Variants in DNAH3 observed in about 807,000 individuals in gnomAD.
DNAH3 encodes axonemal beta dynein heavy chain 3.
DNAH3 carries 332 observed loss-of-function variants against 432.5 expected under a neutral mutation model. The ratio of observed to expected loss-of-function variants is 0.77; its 90% confidence interval spans 0.70 to 0.84. The LOEUF (loss-of-function observed/expected upper bound fraction) is 0.84, where lower values mean the gene tolerates loss of function less well. DNAH3 is among the 40% of genes least tolerant of loss of function. The probability of loss-of-function intolerance (pLI) is 0.00; values close to 1 mark genes in which losing one functional copy is unlikely to be tolerated. For missense variants in DNAH3, 4,861 were observed against 5,114.0 expected (o/e 0.95, Z 1.51); for synonymous variants, 1,956 against 1,900.2 (o/e 1.03, Z -0.76).
chr16:20,963,765 GAA>G lies in DNAH3; in HGVS notation c.10117_10118del (p.Phe3373LeufsTer32). 1 of 1,614,070 alleles carries G rather than the reference GAA, an allele frequency of 6.2e-7. No individual in the cohort carries two copies. Among genetic ancestry groups the G allele is most frequent in the Non-Finnish European group, 8.5e-7 (1 of 1,180,044 alleles). On this transcript the variant is annotated frameshift_variant, in exon 53 of 62. Coordinates refer to ENST00000261383, the Ensembl canonical transcript of DNAH3. LOFTEE classifies it high-confidence loss of function. ...TGATGCCGATGGTCAGGAGGAGAGA[GAA>G]GAGTAGCTTGTCCTTCTCAAACAGA...
chr16:20,969,660 C>A, intron 52 of DNAH3, 132 bp downstream of exon 52: 1 of 1,016,212 alleles, frequency 9.8e-7, no homozygotes, highest in Non-Finnish European at 1.5e-6. Flanking sequence ...CAGCCTGGTT[C>A]CTTTCTTAAT....
At chr16:20,943,338 A>G (rs1475711674) in intron 58 of DNAH3, among the ~76,000 whole-genome samples, 2 of 151,320 alleles carry the variant, frequency 1.3e-5, no homozygotes, top group African/African-American at 2.4e-5. Flanking sequence ...TTGGCCTCCC[A>G]AAGTGCTAGG....
intron 60 of DNAH3, among the ~76,000 whole-genome samples, 197 bp downstream of exon 60, chr16:20,936,452 G>A (rs28650087): frequency 0.28 from 42,301 of 151,948 alleles, 5,993 homozygotes; most frequent in Middle Eastern, 0.32. Flanking sequence ...CACTGCGCCC[G>A]GCCGGCTATA....
intron 37 of DNAH3, among the ~76,000 whole-genome samples, chr16:21,029,931 C>T (rs2088787206): frequency 6.6e-6 from 1 of 152,098 alleles, no homozygotes; most frequent in Non-Finnish European, 1.5e-5. Flanking sequence ...TCAAGGGATC[C>T]TCACACCTCA....
intron 46 of DNAH3, 39 bp from the exon 47 acceptor site, chr16:20,987,487 T>C (rs191095636): frequency 6.2e-7 from 1 of 1,612,322 alleles, no homozygotes; most frequent in African/African-American, 1.3e-5. Context: ...GAGTGGAAGA[T>C]GGTCCCTGAG....
exon 62 of DNAH3, chr16:20,933,176 G>A (rs1381021356): frequency 6.2e-7 from 1 of 1,613,500 alleles, no homozygotes; most frequent in Admixed American, 1.7e-5. Flanking sequence ...CTGGCACAGT[G>A]AGGCCACCCC....
intron 23 of DNAH3, among the ~76,000 whole-genome samples, chr16:21,068,376 G>A (rs558830314): frequency 1.8e-4 from 27 of 151,982 alleles, no homozygotes; most frequent in African/African-American, 4.8e-4. Context: ...GTGCAGTGGC[G>A]CAATCTGGGC....
intron 43 of DNAH3, among the ~76,000 whole-genome samples, chr16:20,998,258 GTTTT>G (rs2086851420): frequency 6.6e-6 from 1 of 151,988 alleles, no homozygotes; most frequent in South Asian, 2.1e-4. Flanking sequence ...TTGTTTGTTT[GTTTT>G]GTTTTTGTTT....
exon 55 of DNAH3, chr16:20,954,976 G>A (rs2084495747): frequency 6.8e-6 from 11 of 1,613,982 alleles, no homozygotes; most frequent in African/African-American, 1.3e-5. Flanking sequence ...GGAGCCCTTT[G>A]GGGGGCTCAT....
chr16:20,963,210 T>C lies in DNAH3; in HGVS notation c.10600+74A>G. On this transcript the variant is annotated intron_variant, in intron 53 of 61. Coordinates refer to ENST00000261383, the Ensembl canonical transcript of DNAH3. ...CCATCTGAACTTGAGATCCCTGCTG[T>C]AAGGGACGGGCTACTGATATCCACC... 1.3e-5 allele frequency: 18 copies of C among 1,417,844 alleles called. 1 individual carries two copies. The South Asian group carries it at 2.3e-4, about 18-fold the overall frequency. 87.8% of individuals were successfully genotyped at this position (1,417,844 alleles called of 1,614,324 possible). A position where few individuals can be genotyped will look rare whatever the true frequency, so the allele number is the denominator to read the frequency against.
At chr16:21,044,273 A>G (rs1009529505) in intron 31 of DNAH3, among the ~76,000 whole-genome samples, 7 of 145,524 alleles carry the variant, frequency 4.8e-5, no homozygotes, top group Non-Finnish European at 7.6e-5. Context: ...CAGTATGGCC[A>G]TTTTCATGAT....
chr16:21,064,327 A>T (rs1366183572), intron 24 of DNAH3, among the ~76,000 whole-genome samples: 1 of 152,216 alleles, frequency 6.6e-6, no homozygotes, highest in African/African-American at 2.4e-5. Context: ...GCAATTAAGG[A>T]TGCTGACTGA....
At chr16:21,073,450 T>C (rs1017303309) in intron 21 of DNAH3, among the ~76,000 whole-genome samples, 2 of 152,184 alleles carry the variant, frequency 1.3e-5, no homozygotes, top group Admixed American at 6.5e-5. Context: ...GGGTCACCCT[T>C]GCTGGGAGAG....
At chr16:21,008,944 A>C (rs2087451633) in intron 41 of DNAH3, among the ~76,000 whole-genome samples, 2 of 152,204 alleles carry the variant, frequency 1.3e-5, no homozygotes, top group African/African-American at 4.8e-5. Flanking sequence ...GGTATTTTAA[A>C]AGTGAGCTTC....
chr16:20,970,136 G>A (rs1263274611), intron 51 of DNAH3, 146 bp from the exon 52 acceptor site: 2 of 760,630 alleles, frequency 2.6e-6, no homozygotes, highest in Non-Finnish European at 4.4e-6. Context: ...CGCTGGAGCT[G>A]GACAATGGCT....
chr16:21,138,811 T>A (rs376493238), intron 5 of DNAH3, among the ~76,000 whole-genome samples: 16 of 146,424 alleles, frequency 1.1e-4, no homozygotes, highest in South Asian at 2.2e-4. Flanking sequence ...CTCCCTCTAA[T>A]AAAAAAAAAA....
intron 26 of DNAH3, among the ~76,000 whole-genome samples, chr16:21,058,671 G>A (rs937156472): frequency 6.6e-6 from 1 of 152,148 alleles, no homozygotes; most frequent in Admixed American, 6.6e-5. Context: ...AAAAGAATGA[G>A]TTCATGTCCT....
chr16:21,024,702 C>T lies in DNAH3; in HGVS notation c.5541-1G>A, dbSNP rs142394832. The T allele has an allele frequency of 1.9e-6, 3 of 1,612,780 alleles. No individual in the cohort carries two copies. Among genetic ancestry groups the T allele is most frequent in the Non-Finnish European group, 2.5e-6 (3 of 1,178,960 alleles). Reference sequence around the variant, plus strand: ...GGGCTCCATGTAGATCATCCCACACCTGGGAAGCACAGAGGACCAGTTTAG... The same window carrying T: ...GGGCTCCATGTAGATCATCCCACACTTGGGAAGCACAGAGGACCAGTTTAG... On this transcript the variant is annotated splice_acceptor_variant, in intron 38 of 61. Coordinates refer to ENST00000261383, the Ensembl canonical transcript of DNAH3. LOFTEE classifies it high-confidence loss of function.
intron 20 of DNAH3, among the ~76,000 whole-genome samples, chr16:21,080,683 G>C (rs778663663): frequency 5.3e-5 from 8 of 152,176 alleles, no homozygotes; most frequent in Admixed American, 6.5e-5. Flanking sequence ...GTGCATTCTA[G>C]CTAGTTCCTA....
Sources: allele counts gnomAD v4.1 joint callset (sites outside exome capture counted in the v4.1 genomes callset), GRCh38; gene constraint gnomAD v4.1.1; transcripts MANE v1.5; gene names NCBI Gene and HGNC (gene_info 2026-07-23, HGNC 2026-07-21).